Variants in PDE10A observed in about 807,000 individuals in gnomAD.
The protein encoded by PDE10A is phosphodiesterase 10A.
Under a neutral mutation model 97.7 loss-of-function variants are expected in PDE10A, and 39 were observed. That is an observed-to-expected ratio of 0.40 (90% CI 0.31 to 0.52). The LOEUF is 0.52. PDE10A is among the 20% of genes least tolerant of loss of function. PDE10A has a pLI of 0.56. For missense variants in PDE10A, 731 were observed against 1,047.8 expected (o/e 0.70, Z 4.17); for synonymous variants, 371 against 376.8 (o/e 0.98, Z 0.18).
At chr6:165,928,635 G>C (rs1057487550) in intron 1 of PDE10A, among the ~76,000 whole-genome samples, 1 of 152,168 alleles carries the variant, frequency 6.6e-6, no homozygotes, top group South Asian at 2.1e-4. Context: ...GAAATAAAAG[G>C]CAAAGCTGTC....
At chr6:165,446,320 A>C (rs1233033343) in intron 5 of PDE10A, among the ~76,000 whole-genome samples, 1 of 152,232 alleles carries the variant, frequency 6.6e-6, no homozygotes, top group African/African-American at 2.4e-5. Context: ...AAATGATCCC[A>C]GATGGACGAC....
intron 1 of PDE10A, among the ~76,000 whole-genome samples, chr6:165,810,232 G>A (rs894137467): frequency 5.3e-5 from 8 of 152,182 alleles, no homozygotes; most frequent in Non-Finnish European, 1.0e-4. Context: ...GTCTGCCCTT[G>A]CTGTCTGGAG....
chr6:165,362,625 A>G (rs1783493801), intron 18 of PDE10A, among the ~76,000 whole-genome samples: 1 of 152,220 alleles, frequency 6.6e-6, no homozygotes, highest in South Asian at 2.1e-4. Context: ...TCACTGGTAA[A>G]TTCTATACAT....
At chr6:165,736,909 G>A (rs1409091127) in intron 1 of PDE10A, among the ~76,000 whole-genome samples, 2 of 152,122 alleles carry the variant, frequency 1.3e-5, no homozygotes, top group Non-Finnish European at 2.9e-5. Flanking sequence ...CAAACGTTTA[G>A]TTGACTAACA....
chr6:165,389,301 AG>A (rs1286206438), intron 16 of PDE10A, among the ~76,000 whole-genome samples: 1 of 152,212 alleles, frequency 6.6e-6, no homozygotes, highest in African/African-American at 2.4e-5. Context: ...AACAGACTCC[AG>A]GAGGATGAGA....
chr6:165,600,774 C>T (rs1209132362), intron 1 of PDE10A, among the ~76,000 whole-genome samples: 3 of 152,186 alleles, frequency 2.0e-5, no homozygotes, highest in Non-Finnish European at 4.4e-5. Context: ...AAAGTAATTG[C>T]CCTCAGCAGG....
intron 1 of PDE10A, among the ~76,000 whole-genome samples, chr6:165,697,207 G>GGAAAAGACATGCCATAGAAAAATGCTGAA (rs1791463051): frequency 1.3e-5 from 2 of 151,830 alleles, no homozygotes; most frequent in African/African-American, 2.4e-5. Flanking sequence ...AAGAGAATCA[G>GGAAAAGACATGCCATAGAAAAATGCTGAA]GAAAAGACAT....
chr6:165,899,631 T>TC (rs1259974308), intron 1 of PDE10A, among the ~76,000 whole-genome samples: 1 of 152,214 alleles, frequency 6.6e-6, no homozygotes, highest in Non-Finnish European at 1.5e-5. Context: ...GAACATGGAA[T>TC]CCTTTCTAAA....
chr6:165,530,627 A>C (rs1411635539), intron 2 of PDE10A, among the ~76,000 whole-genome samples: 2 of 152,040 alleles, frequency 1.3e-5, no homozygotes, highest in East Asian at 3.9e-4. Flanking sequence ...CACGAATCTA[A>C]AATAAAAGTT....
intron 3 of PDE10A, among the ~76,000 whole-genome samples, chr6:165,480,785 C>T (rs1322771919): frequency 6.6e-6 from 1 of 152,108 alleles, no homozygotes; most frequent in African/African-American, 2.4e-5. Context: ...AAATCTGAAT[C>T]TTTATTGAAA....
intron 1 of PDE10A, among the ~76,000 whole-genome samples, chr6:165,968,805 A>G (rs1784589781): frequency 6.6e-6 from 1 of 152,256 alleles, no homozygotes; most frequent in Non-Finnish European, 1.5e-5. Context: ...AATGATCAAT[A>G]AAGTCCTGAG....
intron 1 of PDE10A, among the ~76,000 whole-genome samples, chr6:165,582,915 T>A (rs955908469): frequency 6.6e-6 from 1 of 152,220 alleles, no homozygotes; most frequent in African/African-American, 2.4e-5. Flanking sequence ...TTCCTGTGTG[T>A]CTTACCAGTA....
In PDE10A at chr6:165,395,074, A is replaced by G. The variant is rs944985735; in HGVS notation, c.2303+107T>C. 8.1e-5 allele frequency: 53 copies of G among 653,838 alleles called. 1 individual carries two copies. The highest frequency in any genetic ancestry group is 5.4e-5 in the Non-Finnish European group (20 of 371,848). 40.5% of individuals were successfully genotyped at this position (653,838 alleles called of 1,614,324 possible). On this transcript the variant is annotated intron_variant, in intron 15 of 21. Coordinates refer to ENST00000539869, the MANE Select transcript of PDE10A (RefSeq NM_001385079.1). ...AAAAAAAGTAATTTATACATGCAGT[A>G]TTTAAAAATAATTACAAACAAAGAT...
chr6:165,506,264 A>G (rs769150844), intron 2 of PDE10A, among the ~76,000 whole-genome samples: 2 of 152,196 alleles, frequency 1.3e-5, no homozygotes, highest in African/African-American at 4.8e-5. Context: ...ATAACATTTC[A>G]TACAATAAAT....
intron 1 of PDE10A, among the ~76,000 whole-genome samples, chr6:165,577,129 A>G (rs371868514): frequency 6.6e-6 from 1 of 152,316 alleles, no homozygotes; most frequent in African/African-American, 2.4e-5. Context: ...CCCTTCCTAA[A>G]AGGCTCATGT....
chr6:165,498,655 A>G (rs1395789429), intron 2 of PDE10A, among the ~76,000 whole-genome samples: 1 of 152,072 alleles, frequency 6.6e-6, no homozygotes, highest in African/African-American at 2.4e-5. Context: ...TGTTAATAGT[A>G]GAAGATCTTG....
At chr6:165,438,767 G>A (rs1205874052) in intron 5 of PDE10A, among the ~76,000 whole-genome samples, 2 of 151,920 alleles carry the variant, frequency 1.3e-5, no homozygotes, top group Admixed American at 1.3e-4. Context: ...AGATCAGCCT[G>A]GGCAACATAG....
intron 1 of PDE10A, among the ~76,000 whole-genome samples, chr6:165,657,147 C>T (rs1790008166): frequency 6.6e-6 from 1 of 152,262 alleles, no homozygotes; most frequent in Admixed American, 6.5e-5. Context: ...CCCTCAGGCT[C>T]TCATGGAGCT....
rs1443989803 is a variant in PDE10A at position 165,435,219 on chromosome 6, A to T, written c.1335+18T>A. ...ACTTTAGGTCAAAAGTGTCACAAAG[A>T]ATCAAAAAGCCACTTACTCCAAGGA... On this transcript the variant is annotated intron_variant, in intron 6 of 21. Transcript: ENST00000539869. 6.3e-7 allele frequency: 1 copy of T among 1,599,076 alleles called. No homozygotes were observed. Among genetic ancestry groups the T allele is most frequent in the Non-Finnish European group, 8.5e-7 (1 of 1,172,588 alleles).
Sources: allele counts gnomAD v4.1 joint callset (sites outside exome capture counted in the v4.1 genomes callset), GRCh38; gene constraint gnomAD v4.1.1; transcripts MANE v1.5; gene names NCBI Gene and HGNC (gene_info 2026-07-23, HGNC 2026-07-21).